IFT74: variants seen among roughly 807,000 people sequenced by gnomAD.
IFT74 encodes the protein intraflagellar transport protein 74 homolog.
In IFT74, 92 loss-of-function variants were observed where a neutral mutation model predicts 96.7. The ratio of observed to expected loss-of-function variants is 0.95; its 90% CI spans 0.80 to 1.13. The LOEUF (loss-of-function observed/expected upper bound fraction) is 1.13. Among genes scored for constraint, IFT74 ranks in the 50% most tolerant of loss-of-function variants. The probability of loss-of-function intolerance (pLI) is 0.00; values close to 1 mark genes in which losing one functional copy is unlikely to be tolerated. For missense variants in IFT74, 811 were observed against 698.2 expected (o/e 1.16, Z -1.82); for synonymous variants, 223 against 213.2 (o/e 1.05, Z -0.40).
intron 8 of IFT74, chr9:26,999,828 G>A (rs1433952157): frequency 7.0e-6 from 4 of 570,520 alleles, no homozygotes; most frequent in Admixed American, 7.4e-5. Context: ...CACAGACCTG[G>A]TGGCATGGTC....
chr9:27,048,904 T>C (rs995128208), intron 16 of IFT74, among the ~76,000 whole-genome samples: 2 of 152,164 alleles, frequency 1.3e-5, no homozygotes, highest in Non-Finnish European at 2.9e-5. Flanking sequence ...CCCCTCCAAA[T>C]TTTATGTTGA....
intron 16 of IFT74, 91 bp from the exon 17 acceptor site, chr9:27,055,518 A>G (rs1026634989): frequency 1.2e-5 from 10 of 861,094 alleles, no homozygotes; most frequent in African/African-American, 3.6e-5. Flanking sequence ...GATATTCTTA[A>G]AAAACATGAT....
rs1231843671 is a variant in IFT74 at position 27,063,691 on chromosome 9, A to G, written c.*955A>G. On this transcript the variant is annotated 3_prime_UTR_variant, in exon 20 of 20. Transcript: ENST00000380062. ...TACTTTTCAGTATTTCTGAAACAAC[A>G]CATTGATTTCTTAAACCAAAATAGC... Among the ~76,000 whole-genome samples, 1 of 152,146 alleles carries G rather than the reference A, an allele frequency of 6.6e-6. No individual in the cohort carries two copies.
intron 1 of IFT74, among the ~76,000 whole-genome samples, chr9:26,948,741 G>C (rs571465602): frequency 6.6e-6 from 1 of 152,008 alleles, no homozygotes; most frequent in Non-Finnish European, 1.5e-5. Flanking sequence ...TGGATTATAA[G>C]CGTGAGCCAC....
chr9:26,993,536 A>G (rs1006872708), intron 8 of IFT74: 6 of 152,532 alleles, frequency 3.9e-5, no homozygotes, highest in African/African-American at 1.4e-4. Flanking sequence ...CTCAGTAGAC[A>G]TTTGTATTGA....
intron 12 of IFT74, among the ~76,000 whole-genome samples, chr9:27,020,007 A>T (rs1819539): frequency 1.3e-5 from 2 of 149,872 alleles, no homozygotes; most frequent in African/African-American, 4.9e-5. Context: ...ACAGAGTCCC[A>T]GTTTGTCGCC....
chr9:26,973,954 T>C (rs1000048152), intron 2 of IFT74, among the ~76,000 whole-genome samples: 2 of 152,206 alleles, frequency 1.3e-5, no homozygotes, highest in Admixed American at 1.3e-4. Flanking sequence ...TTTTCCCTTT[T>C]TAATTTGGGA....
intron 2 of IFT74, among the ~76,000 whole-genome samples, chr9:26,964,011 T>C (rs4492468): frequency 0.1 from 15,074 of 150,464 alleles, 1,707 homozygotes; most frequent in East Asian, 0.65. Flanking sequence ...CCATTGCTTT[T>C]GGTGTTTTAG....
At chr9:26,988,825 T>C in intron 7 of IFT74, 97 bp downstream of exon 7, 2 of 1,120,290 alleles carry the variant, frequency 1.8e-6, no homozygotes, top group Non-Finnish European at 2.4e-6. Flanking sequence ...CCTTAAGTGC[T>C]ATAGAGGTGA....
At position 27,048,269 on chromosome 9, in the gene IFT74, C is replaced by T; in HGVS notation, c.1328C>T (p.Thr443Ile). 6.3e-7 allele frequency: 1 copy of T among 1,578,410 alleles called. No individual in the cohort carries two copies. The highest frequency in any genetic ancestry group is 8.6e-7 in the Non-Finnish European group (1 of 1,165,982). Residue 443 changes from threonine (T) to isoleucine (I), a missense_variant, in exon 16 of 20, where the codon ACT (threonine) becomes ATT (isoleucine). Physicochemically the swap from Thr to Ile is moderately conservative, Grantham distance 89 (BLOSUM62 -1). Coordinates refer to ENST00000380062, the MANE Select transcript of IFT74 (RefSeq NM_025103.4). ...QKSQSTAQNL[T>I]SDIQRLQLDL... The stretch of plus-strand genomic sequence containing the variant: ...TCACAAAGTACAGCTCAGAATTTGA[C>T]TTCAGGTGAGAAAACAACCTAGATT...
At chr9:26,968,468 G>A (rs967262950) in intron 2 of IFT74, among the ~76,000 whole-genome samples, 1 of 152,068 alleles carries the variant, frequency 6.6e-6, no homozygotes, top group Non-Finnish European at 1.5e-5. Context: ...CACCATGTTG[G>A]TCAGGCTAGT....
At chr9:26,962,193 A>G (rs1285402814) in intron 2 of IFT74, 106 bp downstream of exon 2, 1 of 930,188 alleles carries the variant, frequency 1.1e-6, no homozygotes, top group South Asian at 1.7e-5. Flanking sequence ...ACTGCACCCC[A>G]GTTTTTGAGT....
chr9:27,053,350 G>A (rs1326916141), intron 16 of IFT74, among the ~76,000 whole-genome samples: 1 of 151,956 alleles, frequency 6.6e-6, no homozygotes, highest in Non-Finnish European at 1.5e-5. Context: ...GACTTCTTAG[G>A]GAATCAATAA....
intron 12 of IFT74, among the ~76,000 whole-genome samples, chr9:27,019,976 A>ATT (rs771476988): frequency 7.0e-5 from 10 of 143,072 alleles, no homozygotes; most frequent in African/African-American, 1.0e-4. Flanking sequence ...TTTTAATTTA[A>ATT]TTTTTTTTTT....
intron 12 of IFT74, among the ~76,000 whole-genome samples, chr9:27,024,168 C>G (rs931312979): frequency 2.6e-5 from 4 of 152,338 alleles, no homozygotes; most frequent in African/African-American, 7.2e-5. Flanking sequence ...GGCCCTGACT[C>G]TGTTCACATG....
chr9:26,976,835 C>G (rs937393154), intron 2 of IFT74: 2 of 453,058 alleles, frequency 4.4e-6, no homozygotes, highest in Admixed American at 4.8e-5. Flanking sequence ...TTCCTGAGGT[C>G]GTATAGTGTT....
chr9:27,009,231 G>T, intron 9 of IFT74, 73 bp downstream of exon 9: 1 of 1,356,590 alleles, frequency 7.4e-7, no homozygotes, highest in Non-Finnish European at 1.0e-6. Flanking sequence ...AATATCAGCA[G>T]CATCAGCATC....
At chr9:26,993,483 G>A (rs1827980833) in intron 8 of IFT74, 1 of 152,504 alleles carries the variant, frequency 6.6e-6, no homozygotes, top group East Asian at 1.9e-4. Context: ...AAATTAGTAA[G>A]TTCTTCTATT....
chr9:26,965,599 C>T (rs537857648), intron 2 of IFT74, among the ~76,000 whole-genome samples: 1 of 152,090 alleles, frequency 6.6e-6, no homozygotes, highest in East Asian at 1.9e-4. Context: ...TTATTGGCCA[C>T]CTACTATTTG....
Sources: allele counts gnomAD v4.1 joint callset (sites outside exome capture counted in the v4.1 genomes callset), GRCh38; gene constraint gnomAD v4.1.1; transcripts MANE v1.5; gene names NCBI Gene and HGNC (gene_info 2026-07-23, HGNC 2026-07-21).